Variants in WNT9A observed in about 807,000 individuals in gnomAD.
The protein encoded by WNT9A is Wnt family member 9A.
WNT9A carries 8 observed loss-of-function variants against 31.4 expected under a neutral mutation model. That is an observed-to-expected ratio of 0.26 (90% CI 0.15 to 0.46). The LOEUF (loss-of-function observed/expected upper bound fraction) is 0.46. WNT9A is among the 20% of genes least tolerant of loss of function. The probability of loss-of-function intolerance (pLI) is 0.99; values close to 1 mark genes in which losing one functional copy is unlikely to be tolerated. For missense variants in WNT9A, 457 were observed against 522.9 expected, an observed-to-expected ratio of 0.87 and a Z score of 1.23; for synonymous variants, 236 against 220.1, an observed-to-expected ratio of 1.07 and a Z score of -0.64.
In WNT9A at chr1:227,925,321, G is replaced by T. The variant is rs1280730223; in HGVS notation, c.294C>A (p.Arg98=). Residue 98 remains arginine, a synonymous_variant, in exon 2 of 4, where the codon CGC becomes CGA. Coordinates refer to ENST00000272164, the MANE Select transcript of WNT9A (RefSeq NM_003395.4). This position sits in a 1 kb window ranked among gnomAD's most constrained non-coding sequence, Gnocchi z 6.0. The part of the protein sequence containing the change: ...MSALECQFQF[R]FERWNCTLEG... ...CCAGCGTGCAGTTCCAGCGCTCAAA[G>T]CGGAACTGGAACTGGCACTCGAGCG... 6.2e-7 allele frequency: 1 copy of T among 1,606,158 alleles called. No homozygotes were observed. The highest frequency in any genetic ancestry group is 2.3e-5 in the East Asian group (1 of 44,408).
chr1:227,945,400 G>A (rs887500807), intron 1 of WNT9A, among the ~76,000 whole-genome samples: 39 of 152,176 alleles, frequency 2.6e-4, no homozygotes, highest in African/African-American at 8.7e-4. Flanking sequence ...CTTCCCCACA[G>A]GGGGTCCAGC....
intron 1 of WNT9A, among the ~76,000 whole-genome samples, chr1:227,929,006 C>CGT (rs147009061): frequency 1.3e-4 from 20 of 152,080 alleles, no homozygotes; most frequent in East Asian, 3.9e-4. Flanking sequence ...GCGCTGTGCA[C>CGT]GTGTGTGTGT....
At chr1:227,931,759 C>G (rs1666514581) in intron 1 of WNT9A, among the ~76,000 whole-genome samples, 1 of 152,208 alleles carries the variant, frequency 6.6e-6, no homozygotes, top group South Asian at 2.1e-4. Flanking sequence ...AAAAGGCTAA[C>G]AATCATCTCA....
chr1:227,947,281 C>G (rs1242051079), intron 1 of WNT9A, among the ~76,000 whole-genome samples: 1 of 151,938 alleles, frequency 6.6e-6, no homozygotes, highest in Non-Finnish European at 1.5e-5. Flanking sequence ...AAATAAATTC[C>G]TCCAGCTTGG....
chr1:227,947,637 C>G (rs1666816067), intron 1 of WNT9A, among the ~76,000 whole-genome samples, 156 bp downstream of exon 1: 1 of 151,788 alleles, frequency 6.6e-6, no homozygotes, highest in South Asian at 2.1e-4. Flanking sequence ...GCGGACGGAG[C>G]GACGCGCGCG....
chr1:227,940,341 T>C (rs1469518620), intron 1 of WNT9A, among the ~76,000 whole-genome samples: 2 of 152,192 alleles, frequency 1.3e-5, no homozygotes, highest in African/African-American at 4.8e-5. Context: ...AGGAGGCCTC[T>C]GTGCTCAGTG....
chr1:227,922,929 G>A (rs911139741), intron 3 of WNT9A, among the ~76,000 whole-genome samples: 1 of 152,148 alleles, frequency 6.6e-6, no homozygotes, highest in Non-Finnish European at 1.5e-5. Flanking sequence ...ATGATGCTTT[G>A]CAGAGAAACC....
chr1:227,928,438 C>T lies in WNT9A; in HGVS notation c.96-2919G>A, dbSNP rs1459778478. 1.3e-5 allele frequency among the ~76,000 whole-genome samples: 2 copies of T among 152,204 alleles called. No individual in the cohort carries two copies. The highest frequency in any genetic ancestry group is 4.8e-5 in the African/African-American group (2 of 41,456). ...TGGCCTGAGGCCCAAAGGCTACGCCCTTCCCTGGAGTATTCACTGAATTCT... is the reference window on the plus strand; with the variant it reads ...TGGCCTGAGGCCCAAAGGCTACGCCTTTCCCTGGAGTATTCACTGAATTCT... On this transcript the variant is annotated intron_variant, in intron 1 of 3. Transcript: ENST00000272164. The surrounding 1 kb of genome is among the most constrained non-coding windows in gnomAD (Gnocchi z 4.5).
At chr1:227,936,171 T>C (rs1250110195) in intron 1 of WNT9A, among the ~76,000 whole-genome samples, 2 of 152,150 alleles carry the variant, frequency 1.3e-5, no homozygotes, top group African/African-American at 2.4e-5. Context: ...GTCTTCAATC[T>C]TGTGCAGTTT....
intron 1 of WNT9A, among the ~76,000 whole-genome samples, chr1:227,930,882 A>G (rs1666500175): frequency 6.6e-6 from 1 of 152,044 alleles, no homozygotes. Context: ...TTAGCTGGGC[A>G]TGGAGGCATA....
chr1:227,919,421 T>G lies in WNT9A; in HGVS notation c.*2097A>C, dbSNP rs1007795799. On this transcript the variant is annotated 3_prime_UTR_variant, in exon 4 of 4. Coordinates refer to ENST00000272164, the MANE Select transcript of WNT9A (RefSeq NM_003395.4). ...CAGGAGAATAAAGGTTCTTATGTAC[T>G]ATAACACAGGGACGGCAGAGACCCA... The G allele has an allele frequency of 2.0e-5, 3 of 152,228 alleles. No individual in the cohort carries two copies. Among genetic ancestry groups the G allele is most frequent in the Non-Finnish European group, 4.4e-5 (3 of 68,056 alleles). The allele number at this position is 152,228 out of a possible 1,614,324, so 9.4% of individuals were successfully genotyped here. A position where few individuals can be genotyped will look rare whatever the true frequency, so the allele number is the denominator to read the frequency against.
At chr1:227,943,347 T>C (rs1666745417) in intron 1 of WNT9A, among the ~76,000 whole-genome samples, 1 of 152,148 alleles carries the variant, frequency 6.6e-6, no homozygotes, top group South Asian at 2.1e-4. Flanking sequence ...AAGGTTCTTC[T>C]CAGTCCAAGG....
rs1666410012 is a variant in WNT9A, at chr1:227,925,656, C to T, written c.96-137G>A. 2 of 1,346,342 alleles carry T rather than the reference C, an allele frequency of 1.5e-6. No homozygotes were observed. The highest frequency in any genetic ancestry group is 1.6e-5 in the South Asian group (1 of 63,946). 83.4% of individuals were successfully genotyped at this position (1,346,342 alleles called of 1,614,324 possible). The stretch of plus-strand genomic sequence containing the variant: ...GGGGCAGAAAGAATCCAGGATGAGC[C>T]AGGCAGGGGAGAGGGAGGCGAGAAG... On this transcript the variant is annotated intron_variant, in intron 1 of 3. Transcript: ENST00000272164. The surrounding 1 kb of genome is among the most constrained non-coding windows in gnomAD (Gnocchi z 6.0).
In WNT9A at chr1:227,925,500, G is replaced by C. The variant is rs1331082020; in HGVS notation, c.115C>G (p.Leu39Val). The C allele has an allele frequency of 1.3e-6, 2 of 1,556,416 alleles. No homozygotes were observed. Among genetic ancestry groups the C allele is most frequent in the Non-Finnish European group, 1.7e-6 (2 of 1,155,294 alleles). The change falls in exon 2 of 4, where the codon CTG becomes GTG. Residue 39 changes from leucine to valine, a missense_variant. By Grantham distance (32) the Leu-to-Val change is conservative. Coordinates refer to ENST00000272164, the MANE Select transcript of WNT9A (RefSeq NM_003395.4). This position sits in a 1 kb window ranked among gnomAD's most constrained non-coding sequence, Gnocchi z 6.0. ...TCCAGGGTCAGCGGGAGGATGGTCA[G>C]GGGCTCGCTGCCCGTCAGCCTGGGC... Reference protein sequence around the residue: ...AYFGLTGSEPLTILPLTLEPE... With the variant: ...AYFGLTGSEPVTILPLTLEPE...
At chr1:227,922,276 C>T (rs1236860550) in intron 3 of WNT9A, among the ~76,000 whole-genome samples, 2 of 152,232 alleles carry the variant, frequency 1.3e-5, no homozygotes, top group Non-Finnish European at 2.9e-5. Flanking sequence ...CAATGGGAGG[C>T]TCCTGCCTGA....
At position 227,926,743 on chromosome 1, in the gene WNT9A, G is replaced by T. The variant is rs1666426511; in HGVS notation, c.96-1224C>A. Among the ~76,000 whole-genome samples, 1 of 151,926 alleles carries T rather than the reference G, an allele frequency of 6.6e-6. No individual in the cohort carries two copies. The highest frequency in any genetic ancestry group is 1.5e-5 in the Non-Finnish European group (1 of 68,000). On this transcript the variant is annotated intron_variant, in intron 1 of 3. Transcript: ENST00000272164. The surrounding 1 kb of genome is among the most constrained non-coding windows in gnomAD (Gnocchi z 5.0). Reference sequence around the variant, plus strand: ...CCCCAGCAGAGAACGGCAGACTCAGGATGTGCTGGGAGCCACCGGGGTGCC... The same window carrying T: ...CCCCAGCAGAGAACGGCAGACTCAGTATGTGCTGGGAGCCACCGGGGTGCC...
rs191266445 is a variant in WNT9A at position 227,921,370 on chromosome 1, G to C, written c.*148C>G. 9.2e-6 allele frequency: 12 copies of C among 1,301,968 alleles called. No homozygotes were observed. Among genetic ancestry groups the C allele is most frequent in the Non-Finnish European group, 1.3e-5 (12 of 958,350 alleles). 80.7% of individuals were successfully genotyped at this position (1,301,968 alleles called of 1,614,324 possible). A position where few individuals can be genotyped will look rare whatever the true frequency, so the allele number is the denominator to read the frequency against. On this transcript the variant is annotated 3_prime_UTR_variant, in exon 4 of 4. Coordinates refer to ENST00000272164, the MANE Select transcript of WNT9A (RefSeq NM_003395.4). ...GAGCCCAGGGACTCAGCCCATGCAG[G>C]TGTAGACCCATTCACACTGTGTGCA... is the stretch of plus-strand genomic sequence containing the variant.
chr1:227,947,828 C>G lies in WNT9A; in HGVS notation c.60G>C (p.Leu20=). 1 of 1,096,824 alleles carries G rather than the reference C, an allele frequency of 9.1e-7. No homozygotes were observed. The allele number at this position is 1,096,824 out of a possible 1,614,324, so 67.9% of individuals were successfully genotyped here. ...WLAAAFGLTL[L]LAALRPSAAY... ...CGGCCGAAGGGCGCAGCGCGGCGAG[C>G]AGCAGCGTCAGCCCGAAGGCCGCGG... The change falls in exon 1 of 4, where the codon CTG becomes CTC. Residue 20 remains leucine, a synonymous_variant. Transcript: ENST00000272164.
Position 227,921,869 on chromosome 1 carries a change from C to T in WNT9A, c.747G>A (p.Thr249=), listed in dbSNP as rs187855245. 2.6e-5 allele frequency: 42 copies of T among 1,613,158 alleles called. No individual in the cohort carries two copies. In the Admixed American group the frequency reaches 3.8e-4, roughly 15 times the overall value. ...VGKHLKHKYE[T]ALKVGSTTNE... ...TGGTGGTGCTGCCCACCTTGAGTGC[C>T]GTCTCATACTTGTGCTTCAGATGCT... Residue 249 remains threonine (T), a synonymous_variant, in exon 4 of 4, where the codon ACG becomes ACA. Transcript: ENST00000272164.
Sources: allele counts gnomAD v4.1 joint callset (sites outside exome capture counted in the v4.1 genomes callset), GRCh38; gene constraint gnomAD v4.1.1; non-coding constraint Gnocchi (gnomAD v3.1); transcripts MANE v1.5; gene names NCBI Gene and HGNC (gene_info 2026-07-23, HGNC 2026-07-21).